The following NEK11 variants were observed in gnomAD, a reference collection of about 807,000 sequenced individuals.
The protein encoded by NEK11 is NIMA related kinase 11.
Under a neutral mutation model 80.7 loss-of-function variants are expected in NEK11, and 72 were observed. The observed-to-expected ratio is 0.89, with a 90% CI of 0.74 to 1.08. NEK11 has a LOEUF of 1.08. NEK11 is among the 50% of genes least tolerant of loss of function. The pLI is 0.00. For missense variants in NEK11, 764 were observed against 763.6 expected (o/e 1.00, Z -0.01); for synonymous variants, 251 against 260.7 (o/e 0.96, Z 0.36).
intron 17 of NEK11, among the ~76,000 whole-genome samples, chr3:131,279,987 G>A (rs2096369198): frequency 6.6e-6 from 1 of 152,158 alleles, no homozygotes; most frequent in East Asian, 1.9e-4. Flanking sequence ...GCAATGGCTG[G>A]GAGGCCTTAG....
At chr3:131,177,823 A>G (rs1452340140) in intron 14 of NEK11, among the ~76,000 whole-genome samples, 1 of 152,228 alleles carries the variant, frequency 6.6e-6, no homozygotes, top group Non-Finnish European at 1.5e-5. Flanking sequence ...AAACCTATTC[A>G]AATATCACTC....
chr3:131,079,235 G>A (rs1207703308), intron 3 of NEK11, among the ~76,000 whole-genome samples: 1 of 152,148 alleles, frequency 6.6e-6, no homozygotes, highest in East Asian at 1.9e-4. Context: ...TCAACTGGGA[G>A]GGCAGAAGTT....
In NEK11 at chr3:131,109,661, T is replaced by G. The variant is rs1434382456; in HGVS notation, c.337-142T>G. On this transcript the variant is annotated intron_variant, in intron 4 of 17. Transcript: ENST00000383366. ...CAAAGGAACCTGGATAGACTTTGAT[T>G]AAAGAGAGAATCTTTGTCAGTGATA... 5 of 864,954 alleles carry G rather than the reference T, an allele frequency of 5.8e-6. No homozygotes were observed. The Admixed American group carries it at 8.9e-5, about 15-fold the overall frequency. 53.6% of individuals were successfully genotyped at this position (864,954 alleles called of 1,614,324 possible).
intron 17 of NEK11, among the ~76,000 whole-genome samples, chr3:131,278,861 C>T (rs1185511104): frequency 6.6e-6 from 1 of 152,146 alleles, no homozygotes; most frequent in East Asian, 1.9e-4. Context: ...GCACCAGGGA[C>T]ATCATCTGGA....
chr3:131,342,185 G>T lies in NEK11; in HGVS notation c.1719-7372G>T, dbSNP rs571791094. Among the ~76,000 whole-genome samples, 15 of 152,290 alleles carry T rather than the reference G, an allele frequency of 9.8e-5. No homozygotes were observed. In the South Asian group the frequency reaches 2.9e-3, roughly 29 times the overall value. On this transcript the variant is annotated intron_variant, in intron 17 of 17. Transcript: ENST00000383366. ...CTACCAGTTCACCTGCCTGCTTCTG[G>T]AGAGAGAGCTGTTCTGTCTTTGCCC...
At chr3:131,148,685 GTTA>G (rs1389291458) in intron 7 of NEK11, among the ~76,000 whole-genome samples, 2 of 151,538 alleles carry the variant, frequency 1.3e-5, no homozygotes, top group East Asian at 3.9e-4. Context: ...GTCTATCTCA[GTTA>G]TTATTATTTT....
intron 3 of NEK11, among the ~76,000 whole-genome samples, chr3:131,036,013 A>G (rs993014931): frequency 6.6e-6 from 1 of 152,246 alleles, no homozygotes; most frequent in African/African-American, 2.4e-5. Context: ...TCAGATGTGC[A>G]TAAAGAAGCA....
intron 17 of NEK11, among the ~76,000 whole-genome samples, chr3:131,318,727 G>A (rs1382707473): frequency 1.5e-5 from 2 of 133,946 alleles, no homozygotes; most frequent in Admixed American, 8.2e-5. Context: ...TTTAGTATGC[G>A]TGTGTACATG....
intron 16 of NEK11, among the ~76,000 whole-genome samples, chr3:131,264,065 A>G (rs2095994274): frequency 1.3e-5 from 2 of 151,584 alleles, no homozygotes; most frequent in Non-Finnish European, 1.5e-5. Flanking sequence ...GGGTTGTTTG[A>G]TTTTTTCTTG....
At chr3:131,202,604 G>T (rs1037879100) in intron 14 of NEK11, among the ~76,000 whole-genome samples, 3 of 152,166 alleles carry the variant, frequency 2.0e-5, no homozygotes, top group Non-Finnish European at 4.4e-5. Context: ...AAGAGCTTCT[G>T]CACAGCAAAA....
At chr3:131,313,938 G>A (rs1274941275) in intron 17 of NEK11, among the ~76,000 whole-genome samples, 1 of 152,104 alleles carries the variant, frequency 6.6e-6, no homozygotes, top group African/African-American at 2.4e-5. Context: ...TTCAAGTTAA[G>A]GTATATTTAC....
intron 16 of NEK11, among the ~76,000 whole-genome samples, chr3:131,245,015 G>C (rs2095576058): frequency 6.6e-6 from 1 of 151,944 alleles, no homozygotes; most frequent in South Asian, 2.1e-4. Context: ...TAAAGTCTGG[G>C]CTTTTGGTGT....
At chr3:131,067,634 A>G (rs1369187670) in intron 3 of NEK11, among the ~76,000 whole-genome samples, 1 of 152,152 alleles carries the variant, frequency 6.6e-6, no homozygotes, top group Non-Finnish European at 1.5e-5. Context: ...TCTGGCCAGC[A>G]TATTTGTGTT....
intron 17 of NEK11, among the ~76,000 whole-genome samples, chr3:131,289,012 G>A (rs180759500): frequency 2.6e-5 from 4 of 152,280 alleles, no homozygotes; most frequent in Admixed American, 2.6e-4. Flanking sequence ...GAAAAATCAG[G>A]TGTATTAGTC....
At chr3:131,149,354 T>C (rs1560643993) in intron 7 of NEK11, among the ~76,000 whole-genome samples, 1 of 152,054 alleles carries the variant, frequency 6.6e-6, no homozygotes, top group Non-Finnish European at 1.5e-5. Flanking sequence ...GTTTATTTTC[T>C]TTATCCAGTC....
intron 14 of NEK11, among the ~76,000 whole-genome samples, chr3:131,199,642 G>C (rs2094154939): frequency 6.6e-6 from 1 of 151,536 alleles, no homozygotes; most frequent in Non-Finnish European, 1.5e-5. Flanking sequence ...TTCTGGAGGA[G>C]AAGTTAGAAA....
rs560609283 is a variant in NEK11, at chr3:131,045,974, C to CT, written c.170+16099dup. ...TTGCATGGAATATCTTTTTCCACCC[C>CT]TTTACCTTAAGTTTACATGAGTTCT... On this transcript the variant is annotated intron_variant, in intron 3 of 17. Coordinates refer to ENST00000383366, the MANE Select transcript of NEK11 (RefSeq NM_024800.5). Among the ~76,000 whole-genome samples, 4 of 152,120 alleles carry CT rather than the reference C, an allele frequency of 2.6e-5. 1 individual carries two copies. In the South Asian group the frequency reaches 8.3e-4, roughly 31 times the overall value.
Position 131,124,653 on chromosome 3 carries a change from A to G in NEK11, c.456-8092A>G, listed in dbSNP as rs2082984537. On this transcript the variant is annotated intron_variant, in intron 5 of 17. Transcript: ENST00000383366. ...CACCAAGAGAACCCCAAGAGTAGGC[A>G]TAGAGAAAGCCAGGTTTCATTTAAC... 2.0e-5 allele frequency among the ~76,000 whole-genome samples: 3 copies of G among 152,228 alleles called. No homozygotes were observed. In the South Asian group the frequency reaches 6.2e-4, roughly 32 times the overall value.
At chr3:131,180,015 C>T (rs947660444) in intron 14 of NEK11, among the ~76,000 whole-genome samples, 1 of 152,138 alleles carries the variant, frequency 6.6e-6, no homozygotes, top group Non-Finnish European at 1.5e-5. Flanking sequence ...AAGAATCTCT[C>T]AGGGCAGATA....
Sources: allele counts gnomAD v4.1 joint callset (sites outside exome capture counted in the v4.1 genomes callset), GRCh38; gene constraint gnomAD v4.1.1; transcripts MANE v1.5; gene names NCBI Gene and HGNC (gene_info 2026-07-23, HGNC 2026-07-21).